The following SHC1 variants were observed in gnomAD, a reference collection of about 807,000 sequenced individuals.
SHC1 encodes the protein SHC-transforming protein 1.
SHC1 carries 30 observed loss-of-function variants against 55.9 expected under a neutral mutation model. The ratio of observed to expected loss-of-function variants is 0.54; its 90% CI spans 0.40 to 0.73. The LOEUF (loss-of-function observed/expected upper bound fraction) is 0.73. SHC1 is among the 30% of genes least tolerant of loss of function. SHC1 has a pLI of 0.00. For synonymous variants in SHC1, 309 were observed against 306.1 expected (o/e 1.01, Z -0.10); for missense variants, 675 against 777.1 (o/e 0.87, Z 1.56).
chr1:154,966,360 C>T lies in SHC1; in HGVS notation c.1141G>A (p.Ala381Thr). 6.2e-7 allele frequency: 1 copy of T among 1,614,152 alleles called. No homozygotes were observed. Among genetic ancestry groups the T allele is most frequent in the Non-Finnish European group, 8.5e-7 (1 of 1,180,002 alleles). The change falls in exon 8 of 12, where the codon GCA (alanine) becomes ACA (threonine). Residue 381 changes from alanine to threonine, a missense_variant. Physicochemically the swap from Ala to Thr is moderately conservative, Grantham distance 58. Coordinates refer to ENST00000448116, the MANE Select transcript of SHC1 (RefSeq NM_001130040.2). ...GAAPGAARPT[A>T]PNAQTPSHLG... Reference sequence around the variant, plus strand: ...TGGCTGGGGGTCTGGGCATTGGGTGCAGTGGGTCGAGCAGCCCCTGGAGCG... The same window carrying T: ...TGGCTGGGGGTCTGGGCATTGGGTGTAGTGGGTCGAGCAGCCCCTGGAGCG...
intron 6 of SHC1, 74 bp from the exon 7 acceptor site, chr1:154,967,871 T>C: frequency 1.9e-6 from 3 of 1,605,588 alleles, no homozygotes; most frequent in Non-Finnish European, 2.6e-6. Context: ...CTCATCTTCC[T>C]CTGCAGGAAC....
At chr1:154,967,897 C>T in intron 6 of SHC1, 83 bp downstream of exon 6, 2 of 1,604,790 alleles carry the variant, frequency 1.2e-6, no homozygotes, top group Non-Finnish European at 1.7e-6. Flanking sequence ...CTGAGATCTA[C>T]TTAGAGTGGG....
Position 154,967,995 on chromosome 1 carries a change from G to A in SHC1, c.841C>T (p.Pro281Ser). ...AEYVAYVAKD[P>S]VNQRACHILE... ...CATGCCTCACCTCTCTGATTCACAG[G>A]GTCTTTGGCAACATAGGCGACATAC... Residue 281 changes from proline to serine, a missense_variant, in exon 6 of 12, where the codon CCT (proline) becomes TCT (serine). Pro to Ser is a moderately conservative substitution (Grantham distance 74). This residue lies in a region of SHC1 where 159 missense variants were observed against 246.9 expected (regional missense o/e 0.64). Coordinates refer to ENST00000448116, the MANE Select transcript of SHC1 (RefSeq NM_001130040.2). The A allele has an allele frequency of 6.2e-7, 1 of 1,614,144 alleles. No homozygotes were observed. Among genetic ancestry groups the A allele is most frequent in the Non-Finnish European group, 8.5e-7 (1 of 1,180,012 alleles).
chr1:154,964,044 TG>T (rs764156247), intron 11 of SHC1, 113 bp from the exon 12 acceptor site: 2 of 1,125,530 alleles, frequency 1.8e-6, no homozygotes, highest in South Asian at 2.5e-5. Context: ...GAGAAAAAAA[TG>T]GTGGGGGAGA....
At chr1:154,970,950 C>T (rs1301161836), upstream of SHC1, among the ~76,000 whole-genome samples, 1 of 152,094 alleles carries the variant, frequency 6.6e-6, no homozygotes, top group East Asian at 1.9e-4. This position sits in a 1 kb window ranked among gnomAD's most constrained non-coding sequence, Gnocchi z 5.5. Context: ...AACTAGTAAT[C>T]TGGGGAGAAG....
At chr1:154,974,292 T>C (rs1657045842), upstream of SHC1, 3 of 250,502 alleles carry the variant, frequency 1.2e-5, no homozygotes, top group Middle Eastern at 1.6e-3. Context: ...GCCGATTTGG[T>C]GCCGGATCAC....
Position 154,963,190 on chromosome 1 carries a change from T to G in SHC1, c.*613A>C, listed in dbSNP as rs1655513988. ...TGGGGCAATCTCTAAGGGTTGCATA[T>G]CCCCAGGGAGAGGGGACAGCTGCCA... On this transcript the variant is annotated 3_prime_UTR_variant, in exon 12 of 12. Coordinates refer to ENST00000448116, the MANE Select transcript of SHC1 (RefSeq NM_001130040.2). The G allele has an allele frequency of 6.5e-6, 1 of 153,242 alleles. No individual in the cohort carries two copies. Among genetic ancestry groups the G allele is most frequent in the Non-Finnish European group, 1.5e-5 (1 of 68,554 alleles). The allele number at this position is 153,242 out of a possible 1,614,324, so 9.5% of individuals were successfully genotyped here.
upstream of SHC1, chr1:154,970,766 C>T (rs1008371858): frequency 7.0e-6 from 3 of 427,280 alleles, no homozygotes; most frequent in African/African-American, 6.2e-5. This position sits in a 1 kb window ranked among gnomAD's most constrained non-coding sequence, Gnocchi z 5.5. Flanking sequence ...AGAGAACAGG[C>T]TGGACCCAGC....
At chr1:154,970,864 C>T, upstream of SHC1, 1 of 204,702 alleles carries the variant, frequency 4.9e-6, no homozygotes, top group Non-Finnish European at 9.9e-6. This position sits in a 1 kb window ranked among gnomAD's most constrained non-coding sequence, Gnocchi z 5.5. Flanking sequence ...AGGGGCTGAG[C>T]CCCCACCCCG....
At chr1:154,964,130 T>G in intron 11 of SHC1, 199 bp from the exon 12 acceptor site, 1 of 741,104 alleles carries the variant, frequency 1.3e-6, no homozygotes, top group Non-Finnish European at 2.5e-6. Flanking sequence ...GTCAGTGAAG[T>G]GAGAAAAGGC....
rs1656601118 is a variant in SHC1, at chr1:154,970,371, G to A, written c.156C>T (p.Asp52=). Reference sequence around the variant, plus strand: ...AGGAGCACAGGGTAGTGGGACTATCGTCCCCAGGCAGAGGAGGCAGGATGG... The same window carrying A: ...AGGAGCACAGGGTAGTGGGACTATCATCCCCAGGCAGAGGAGGCAGGATGG... The part of the protein sequence containing the change: ...LGPILPPLPG[D]DSPTTLCSFF... Residue 52 remains aspartate, a synonymous_variant, in exon 1 of 12, where the codon GAC becomes GAT. Transcript: ENST00000448116. The surrounding 1 kb of genome is among the most constrained non-coding windows in gnomAD (Gnocchi z 5.5). 3 of 1,603,918 alleles carry A rather than the reference G, an allele frequency of 1.9e-6. No homozygotes were observed. The highest frequency in any genetic ancestry group is 1.3e-5 in the African/African-American group (1 of 74,736).
chr1:154,970,782 T>G, upstream of SHC1: 1 of 379,542 alleles, frequency 2.6e-6, no homozygotes, highest in Non-Finnish European at 4.8e-6. This position sits in a 1 kb window ranked among gnomAD's most constrained non-coding sequence, Gnocchi z 5.5. Flanking sequence ...CCAGCGCTTC[T>G]GGCTCCTCCC....
intron 11 of SHC1, among the ~76,000 whole-genome samples, chr1:154,964,565 C>G (rs1459221870): frequency 6.6e-6 from 1 of 152,152 alleles, no homozygotes; most frequent in Admixed American, 6.5e-5. Context: ...CTCACTGTAA[C>G]CTCGAACTCC....
chr1:154,968,669 C>CA, intron 3 of SHC1, 55 bp from the exon 4 acceptor site: 1 of 1,612,256 alleles, frequency 6.2e-7, no homozygotes, highest in Non-Finnish European at 8.5e-7. Context: ...AGGCAAACCA[C>CA]ACTTTTGCCT....
Position 154,963,561 on chromosome 1 carries a change from G to A in SHC1, c.*242C>T. The stretch of plus-strand genomic sequence containing the variant: ...ATCAGGTTGGCACAGGAAAGGCCCA[G>A]GTGAGGGGCCACTCTGTACATTAAT... On this transcript the variant is annotated 3_prime_UTR_variant, in exon 12 of 12. Coordinates refer to ENST00000448116, the MANE Select transcript of SHC1 (RefSeq NM_001130040.2). The A allele has an allele frequency of 6.9e-6, 3 of 436,094 alleles. No individual in the cohort carries two copies. In the East Asian group the frequency reaches 1.2e-4, roughly 17 times the overall value. 27.0% of individuals were successfully genotyped at this position (436,094 alleles called of 1,614,324 possible).
chr1:154,968,388 A>G (rs1415417095), intron 4 of SHC1, 107 bp downstream of exon 4: 2 of 1,549,198 alleles, frequency 1.3e-6, no homozygotes, highest in African/African-American at 2.7e-5. Context: ...CTCCTTCCCT[A>G]CTGGTCTCCT....
Position 154,965,624 on chromosome 1 carries a change from CG to C in SHC1, c.1544del (p.Thr515ArgfsTer74). On this transcript the variant is annotated frameshift_variant, in exon 11 of 12. Coordinates refer to ENST00000448116, the MANE Select transcript of SHC1 (RefSeq NM_001130040.2). LOFTEE classifies it high-confidence loss of function. Reference protein sequence around the residue: ...LNGDFLVRESTTTPGQYVLTG... With the variant: ...LNGDFLVRESXTTPGQYVLTG... ...TGAGCACATACTGGCCAGGTGTGGT[CG>C]TGCTCTCCCGTACCAGGAAGTCCCC... The C allele has an allele frequency of 6.2e-7, 1 of 1,614,128 alleles. No individual in the cohort carries two copies. Among genetic ancestry groups the C allele is most frequent in the Non-Finnish European group, 8.5e-7 (1 of 1,180,022 alleles).
chr1:154,966,075 T>C lies in SHC1; in HGVS notation c.1258A>G (p.Arg420Gly). The change falls in exon 10 of 12, where the codon AGA becomes GGA. Residue 420 changes from arginine to glycine, a missense_variant. Physicochemically the swap from Arg to Gly is moderately radical, Grantham distance 125 (BLOSUM62 -2). Coordinates refer to ENST00000448116, the MANE Select transcript of SHC1 (RefSeq NM_001130040.2). The stretch of plus-strand genomic sequence containing the variant: ...TAGGAGGGATCATCAAAAAGCTCTC[T>C]GCCTGCTGAGGAAAGGGAGGCTCTA... ...MPPPPPCPAGRELFDDPSYVN... is the reference protein window; with the variant it reads ...MPPPPPCPAGGELFDDPSYVN... 1 of 1,614,066 alleles carries C rather than the reference T, an allele frequency of 6.2e-7. No individual in the cohort carries two copies. The highest frequency in any genetic ancestry group is 1.1e-5 in the South Asian group (1 of 91,076).
rs1037201094 is a variant in SHC1, at chr1:154,970,253, C to T, written c.274G>A (p.Glu92Lys). Residue 92 changes from glutamate (E) to lysine (K), a missense_variant, in exon 1 of 12, where the codon GAG becomes AAG. This residue lies in a region of SHC1 where 156 missense variants were observed against 159.1 expected (regional missense o/e 0.98). Coordinates refer to ENST00000448116, the MANE Select transcript of SHC1 (RefSeq NM_001130040.2). This position sits in a 1 kb window ranked among gnomAD's most constrained non-coding sequence, Gnocchi z 5.5. The part of the protein sequence containing the change: ...GEPGRAADDG[E>K]GIVGAAMPDS... The stretch of plus-strand genomic sequence containing the variant: ...GGCATGGCTGCCCCTACGATCCCCT[C>T]CCCATCATCAGCTGCCCTTCCTGGC... 32 of 1,611,400 alleles carry T rather than the reference C, an allele frequency of 2.0e-5. No homozygotes were observed. Among genetic ancestry groups the T allele is most frequent in the Non-Finnish European group, 2.5e-5 (30 of 1,178,382 alleles).
Sources: allele counts gnomAD v4.1 joint callset (sites outside exome capture counted in the v4.1 genomes callset), GRCh38; gene constraint gnomAD v4.1.1; regional missense constraint gnomAD v4.1.1; non-coding constraint Gnocchi (gnomAD v3.1); transcripts MANE v1.5; gene names NCBI Gene and HGNC (gene_info 2026-07-23, HGNC 2026-07-21).